Variants in PSMD7 observed in about 807,000 individuals in gnomAD.
PSMD7 encodes proteasome 26S subunit, non-ATPase 7, also known as 26S proteasome non-ATPase regulatory subunit 7.
A neutral mutation model predicts 36.4 loss-of-function variants in PSMD7; 13 were observed. The observed-to-expected ratio is 0.36, with a 90% CI of 0.23 to 0.57. The LOEUF (loss-of-function observed/expected upper bound fraction) is 0.57, where lower values mean the gene tolerates loss of function less well. Among genes scored for constraint, PSMD7 ranks in the 20% least tolerant of loss-of-function variants. The pLI is 0.83. For synonymous variants in PSMD7, 186 were observed against 151.0 expected, an observed-to-expected ratio of 1.23 and a Z score of -1.70; for missense variants, 298 against 393.6, an observed-to-expected ratio of 0.76 and a Z score of 2.06.
intron 4 of PSMD7, among the ~76,000 whole-genome samples, chr16:74,301,987 TC>T (rs1459827635): frequency 1.3e-5 from 2 of 152,182 alleles, no homozygotes; most frequent in African/African-American, 4.8e-5. Flanking sequence ...GACTCTAATG[TC>T]CTTGTGCTAG....
intron 4 of PSMD7, among the ~76,000 whole-genome samples, chr16:74,301,854 T>C (rs1052654598): frequency 3.3e-5 from 5 of 152,166 alleles, no homozygotes; most frequent in Non-Finnish European, 7.3e-5. Flanking sequence ...AAGTACCAGG[T>C]GTATGAGTTT....
intron 1 of PSMD7, among the ~76,000 whole-genome samples, chr16:74,299,127 T>C (rs1412555806): frequency 6.7e-6 from 1 of 150,100 alleles, no homozygotes; most frequent in Non-Finnish European, 1.5e-5. Context: ...CTAAGAAAAA[T>C]ACTACAGTTA....
At chr16:74,302,360 C>A in intron 5 of PSMD7, 68 bp downstream of exon 5, 1 of 1,245,382 alleles carries the variant, frequency 8.0e-7, no homozygotes, top group Non-Finnish European at 1.1e-6. Flanking sequence ...TTTTTTTTTT[C>A]AATTTTCAGG....
chr16:74,298,559 CTTG>C (rs1362156027), intron 1 of PSMD7, among the ~76,000 whole-genome samples: 1 of 152,208 alleles, frequency 6.6e-6, no homozygotes, highest in African/African-American at 2.4e-5. Flanking sequence ...TATTCAAGCA[CTTG>C]TTAAGAGCAC....
intron 5 of PSMD7, chr16:74,304,046 G>A: frequency 2.8e-6 from 1 of 358,864 alleles, no homozygotes; most frequent in Non-Finnish European, 5.3e-6. Context: ...CATGCCAAGT[G>A]TGGGCTTGAG....
At chr16:74,305,195 C>G (rs1418241864) in intron 6 of PSMD7, 94 bp from the exon 7 acceptor site, 12 of 1,415,764 alleles carry the variant, frequency 8.5e-6, no homozygotes, top group Non-Finnish European at 7.4e-6. Context: ...CCTCACCCAA[C>G]AAAGCTAGGA....
At chr16:74,298,891 C>G (rs1241565951) in intron 1 of PSMD7, among the ~76,000 whole-genome samples, 3 of 152,052 alleles carry the variant, frequency 2.0e-5, no homozygotes, top group African/African-American at 7.2e-5. Context: ...AAGAAGAGCA[C>G]TAGCTTCTCT....
At chr16:74,297,940 T>C (rs1325056241) in intron 1 of PSMD7, among the ~76,000 whole-genome samples, 1 of 152,010 alleles carries the variant, frequency 6.6e-6, no homozygotes, top group Non-Finnish European at 1.5e-5. Flanking sequence ...TAAATGGGAA[T>C]CTGATTAGAC....
chr16:74,302,102 A>G, intron 4 of PSMD7, 110 bp from the exon 5 acceptor site: 1 of 895,136 alleles, frequency 1.1e-6, no homozygotes, highest in Non-Finnish European at 1.8e-6. Flanking sequence ...ATTCTGGTTC[A>G]TTTCTAATTG....
intron 6 of PSMD7, 157 bp downstream of exon 6, chr16:74,304,551 CTTTGTTT>C (rs1477691282): frequency 1.8e-6 from 1 of 557,602 alleles, no homozygotes; most frequent in Non-Finnish European, 3.2e-6. Context: ...CTTTCCAGAC[CTTTGTTT>C]TATTGTCTGT....
In PSMD7 at chr16:74,296,859, G is replaced by C; in HGVS notation, c.-56G>C. The C allele has an allele frequency of 6.3e-7, 1 of 1,587,540 alleles. No individual in the cohort carries two copies. The highest frequency in any genetic ancestry group is 1.1e-5 in the South Asian group (1 of 88,940). On this transcript the variant is annotated 5_prime_UTR_variant, in exon 1 of 7. Coordinates refer to ENST00000219313, the MANE Select transcript of PSMD7 (RefSeq NM_002811.5). ...TGAAAGGGTACCGGTGACCGCTACT[G>C]CTGCCGGTGTTTGCGTGTGGCAGGG...
chr16:74,305,539 T>C lies in PSMD7; in HGVS notation c.781T>C (p.Tyr261His). 1 of 1,614,034 alleles carries C rather than the reference T, an allele frequency of 6.2e-7. No homozygotes were observed. The highest frequency in any genetic ancestry group is 8.5e-7 in the Non-Finnish European group (1 of 1,179,960). ...GACCAATGACCAGATGGTGGTAGTGTACTTGGCCTCGCTGATCCGTTCCGT... is the reference window on the plus strand; with the variant it reads ...GACCAATGACCAGATGGTGGTAGTGCACTTGGCCTCGCTGATCCGTTCCGT... ...LKTNDQMVVV[Y>H]LASLIRSVVA... Residue 261 changes from tyrosine to histidine, a missense_variant, in exon 7 of 7, where the codon TAC becomes CAC. By Grantham distance (83) the Tyr-to-His change is moderately conservative. Coordinates refer to ENST00000219313, the MANE Select transcript of PSMD7 (RefSeq NM_002811.5).
At chr16:74,304,004 T>C (rs1007510152) in intron 5 of PSMD7, 2 of 243,716 alleles carry the variant, frequency 8.2e-6, no homozygotes, top group African/African-American at 2.2e-5. Flanking sequence ...CGGTATACTT[T>C]TAAGAATCAA....
At position 74,297,027 on chromosome 16, in the gene PSMD7, G is replaced by A. The variant is rs767206181; in HGVS notation, c.74+39G>A. The A allele has an allele frequency of 4.4e-6, 7 of 1,592,322 alleles. No individual in the cohort carries two copies. The South Asian group carries it at 6.8e-5, about 15-fold the overall frequency. On this transcript the variant is annotated intron_variant, in intron 1 of 6. Coordinates refer to ENST00000219313, the MANE Select transcript of PSMD7 (RefSeq NM_002811.5). ...CTATAGCTGGGCCGGCGGCGCAGCC[G>A]CTGCTGAGTCACGGGCACGCTGGAG...
At chr16:74,305,003 C>A in intron 6 of PSMD7, 1 of 348,558 alleles carries the variant, frequency 2.9e-6, no homozygotes. Context: ...AACTGTTGAC[C>A]TAAGCAATTT....
chr16:74,304,905 G>A (rs770026318), intron 6 of PSMD7, among the ~76,000 whole-genome samples: 33 of 152,320 alleles, frequency 2.2e-4, no homozygotes, highest in Non-Finnish European at 4.7e-4. Context: ...GGAGATGCAT[G>A]TAGAGAAAAT....
At position 74,300,130 on chromosome 16, in the gene PSMD7, A is replaced by G; in HGVS notation, c.90A>G (p.Gly30=). 2.5e-6 allele frequency: 4 copies of G among 1,614,228 alleles called. No homozygotes were observed. Among genetic ancestry groups the G allele is most frequent in the Non-Finnish European group, 3.4e-6 (4 of 1,180,028 alleles). Residue 30 remains glycine, a synonymous_variant, in exon 2 of 7, where the codon GGA becomes GGG. Transcript: ENST00000219313. ...VDHFNRIGKV[G]NQKRVVGVLL... ...TCTCATTCAGAATCGGCAAGGTTGG[A>G]AACCAGAAGCGTGTTGTTGGTGTGC...
chr16:74,300,490 C>T (rs2034147370), intron 2 of PSMD7: 1 of 432,528 alleles, frequency 2.3e-6, no homozygotes, highest in South Asian at 2.8e-5. Flanking sequence ...TCCAGCAAAC[C>T]TCTATAAAAA....
At chr16:74,300,055 T>C (rs1198509350) in intron 1 of PSMD7, 60 bp from the exon 2 acceptor site, 3 of 1,393,264 alleles carry the variant, frequency 2.2e-6, no homozygotes, top group Non-Finnish European at 2.0e-6. Context: ...GAGTATCTTA[T>C]TGTTGGGTTC....
Sources: gnomAD v4.1 joint callset for allele counts (sites outside exome capture counted in the v4.1 genomes callset) on GRCh38, gnomAD v4.1.1 for gene constraint, MANE v1.5 for transcripts, NCBI Gene and HGNC (gene_info 2026-07-23, HGNC 2026-07-21) for gene names.